THSD7B: variants seen among roughly 807,000 people sequenced by gnomAD.
THSD7B encodes thrombospondin type 1 domain containing 7B.
THSD7B carries 138 observed loss-of-function variants against 213.6 expected under a neutral mutation model. The ratio of observed to expected loss-of-function variants is 0.65; its 90% confidence interval spans 0.56 to 0.74. The LOEUF is 0.74. Among genes scored for constraint, THSD7B ranks in the 30% least tolerant of loss-of-function variants. The pLI is 0.00. For missense variants in THSD7B, 1,931 were observed against 1,991.5 expected, an observed-to-expected ratio of 0.97 and a Z score of 0.58; for synonymous variants, 742 against 687.0, an observed-to-expected ratio of 1.08 and a Z score of -1.25.
intron 17 of THSD7B, among the ~76,000 whole-genome samples, chr2:137,604,520 A>G (rs1379507096): frequency 3.9e-5 from 6 of 152,208 alleles, no homozygotes; most frequent in African/African-American, 1.2e-4. Flanking sequence ...ACATGTATCT[A>G]TCATCTAGGT....
intron 17 of THSD7B, among the ~76,000 whole-genome samples, chr2:137,607,541 C>T (rs1228114316): frequency 1.3e-5 from 2 of 152,106 alleles, no homozygotes; most frequent in African/African-American, 4.8e-5. Flanking sequence ...TCTCATGGGT[C>T]GCAATAATGT....
chr2:137,590,891 G>A (rs1259593842), intron 17 of THSD7B, among the ~76,000 whole-genome samples: 2 of 145,506 alleles, frequency 1.4e-5, no homozygotes, highest in Admixed American at 1.4e-4. Context: ...CATTTTGATT[G>A]GTGAACTTTG....
intron 14 of THSD7B, among the ~76,000 whole-genome samples, chr2:137,435,100 T>G (rs1186654024): frequency 6.6e-6 from 1 of 152,198 alleles, no homozygotes; most frequent in Non-Finnish European, 1.5e-5. Flanking sequence ...TCCCCTCATA[T>G]CTAAGACTAT....
At chr2:137,514,220 G>C (rs1680024595) in intron 15 of THSD7B, among the ~76,000 whole-genome samples, 1 of 152,162 alleles carries the variant, frequency 6.6e-6, no homozygotes, top group African/African-American at 2.4e-5. Flanking sequence ...CTGTGAGGCT[G>C]TTGCCAAAGG....
chr2:137,072,183 T>C (rs1687507389), intron 3 of THSD7B, among the ~76,000 whole-genome samples: 1 of 152,198 alleles, frequency 6.6e-6, no homozygotes, highest in Non-Finnish European at 1.5e-5. Flanking sequence ...ATTGAATCTA[T>C]AAATTACCTT....
intron 12 of THSD7B, among the ~76,000 whole-genome samples, chr2:137,321,740 G>A (rs944138894): frequency 6.6e-6 from 1 of 152,180 alleles, no homozygotes; most frequent in Non-Finnish European, 1.5e-5. Flanking sequence ...CCAGGATGGT[G>A]AGCAGTGCAT....
chr2:136,870,790 A>C (rs1683419514), intron 1 of THSD7B, among the ~76,000 whole-genome samples: 1 of 152,190 alleles, frequency 6.6e-6, no homozygotes, highest in African/African-American at 2.4e-5. Flanking sequence ...GTAAAGTTCA[A>C]CTAGCAGAGT....
chr2:137,124,808 A>C (rs1688604796), intron 5 of THSD7B, among the ~76,000 whole-genome samples: 1 of 152,190 alleles, frequency 6.6e-6, no homozygotes, highest in African/African-American at 2.4e-5. Flanking sequence ...GAAATGAGTA[A>C]ATAAAGCTAT....
chr2:137,327,729 A>C (rs1165524119), intron 12 of THSD7B, among the ~76,000 whole-genome samples: 1 of 152,230 alleles, frequency 6.6e-6, no homozygotes, highest in East Asian at 1.9e-4. Context: ...AGATGTAATA[A>C]AAAATGTTTT....
At chr2:136,906,798 A>G (rs995205727) in intron 2 of THSD7B, among the ~76,000 whole-genome samples, 1 of 152,056 alleles carries the variant, frequency 6.6e-6, no homozygotes, top group African/African-American at 2.4e-5. Context: ...AGTTATGGCA[A>G]TATTAGTTTA....
At chr2:137,066,720 C>G (rs1687390653) in intron 3 of THSD7B, among the ~76,000 whole-genome samples, 1 of 152,070 alleles carries the variant, frequency 6.6e-6, no homozygotes, top group African/African-American at 2.4e-5. Context: ...CTACTGGGAT[C>G]TATGATTTGG....
intron 27 of THSD7B, among the ~76,000 whole-genome samples, chr2:137,675,403 CATATATATATATATATATATATAT>C (rs55940004): frequency 3.3e-4 from 38 of 116,502 alleles, no homozygotes; most frequent in East Asian, 2.6e-3. Context: ...AAATGAATGC[CATATATATATATATATATATATAT>C]ATATATATAT....
At chr2:136,886,174 T>A (rs1052374280) in intron 2 of THSD7B, among the ~76,000 whole-genome samples, 1 of 152,146 alleles carries the variant, frequency 6.6e-6, no homozygotes, top group South Asian at 2.1e-4. Flanking sequence ...GGGGTCCACA[T>A]GGGGTATGTC....
chr2:137,022,891 A>G (rs1276699375), intron 2 of THSD7B, among the ~76,000 whole-genome samples: 1 of 152,140 alleles, frequency 6.6e-6, no homozygotes, highest in Non-Finnish European at 1.5e-5. Flanking sequence ...AAAATCAACT[A>G]TAGATAATAC....
intron 2 of THSD7B, among the ~76,000 whole-genome samples, chr2:136,947,795 T>C (rs963977452): frequency 1.3e-5 from 2 of 152,036 alleles, no homozygotes; most frequent in African/African-American, 4.8e-5. Context: ...GCCTCTGCAT[T>C]TAATGATTGA....
intron 2 of THSD7B, among the ~76,000 whole-genome samples, chr2:136,937,674 C>A (rs1286478507): frequency 1.3e-5 from 2 of 152,070 alleles, no homozygotes; most frequent in South Asian, 4.1e-4. Context: ...TATTAACTGT[C>A]ATTTCTATTC....
chr2:137,318,786 CTTT>C (rs70978212), intron 12 of THSD7B, among the ~76,000 whole-genome samples: 1 of 73,660 alleles, frequency 1.4e-5, no homozygotes, highest in African/African-American at 6.2e-5. Context: ...GAATGCTTAT[CTTT>C]TTTTTTTTTT....
At chr2:136,952,529 G>A (rs1253491767) in intron 2 of THSD7B, among the ~76,000 whole-genome samples, 1 of 150,794 alleles carries the variant, frequency 6.6e-6, no homozygotes, top group Non-Finnish European at 1.5e-5. Context: ...CAGTGGCAGA[G>A]GACTTATCTT....
At chr2:137,194,466 AG>A (rs1347981043) in intron 7 of THSD7B, among the ~76,000 whole-genome samples, 1 of 152,244 alleles carries the variant, frequency 6.6e-6, no homozygotes, top group Non-Finnish European at 1.5e-5. Flanking sequence ...CTCCAGGAAG[AG>A]AAAGAAGTGT....
Sources: allele counts gnomAD v4.1 joint callset (sites outside exome capture counted in the v4.1 genomes callset), GRCh38; gene constraint gnomAD v4.1.1; transcripts MANE v1.5; gene names NCBI Gene and HGNC (gene_info 2026-07-23, HGNC 2026-07-21).